The following NCOR1 variants were observed in gnomAD, a reference collection of about 807,000 sequenced individuals.
NCOR1 encodes the protein nuclear receptor corepressor 1.
In NCOR1, 63 loss-of-function variants were observed where a neutral mutation model predicts 288.1. The ratio of observed to expected loss-of-function variants is 0.22; its 90% CI spans 0.18 to 0.27. NCOR1 has a LOEUF of 0.27. Ranked by LOEUF, NCOR1 falls within the 10% of genes least tolerant of loss-of-function variation. The pLI is 1.00. For missense variants in NCOR1, 2,397 were observed against 3,019.2 expected, an observed-to-expected ratio of 0.79 and a Z score of 4.83; for synonymous variants, 1,007 against 1,065.9, an observed-to-expected ratio of 0.94 and a Z score of 1.08.
At chr17:16,211,202 C>G (rs148991154) in intron 1 of NCOR1, among the ~76,000 whole-genome samples, 1 of 152,218 alleles carries the variant, frequency 6.6e-6, no homozygotes, top group East Asian at 1.9e-4. Context: ...GAAAGTAAAA[C>G]AAGACTAGAT....
In NCOR1 at chr17:16,098,443, A is replaced by C. The variant is rs150168981; in HGVS notation, c.2744T>G (p.Leu915Arg). 2,037 of 1,613,978 alleles carry C rather than the reference A, an allele frequency of 1.3e-3. 4 individuals carry two copies. The highest frequency in any genetic ancestry group is 1.4e-3 in the Non-Finnish European group (1,679 of 1,179,836). ...PSLLNPTGSI[L>R]VSSPLKPNPL... ...ATTTGGTTTTAACGGAGATGAGACG[A>C]GTATAGATCCAGTGGGGTTTAACAG... The change falls in exon 21 of 46, where the codon CTC becomes CGC. Residue 915 changes from leucine (L) to arginine (R), a missense_variant. Coordinates refer to ENST00000268712, the MANE Select transcript of NCOR1 (RefSeq NM_006311.4).
Position 16,031,772 on chromosome 17 carries a change from C to A in NCOR1, c.*524G>T. The A allele has an allele frequency of 4.3e-6, 1 of 230,508 alleles. No homozygotes were observed. Among genetic ancestry groups the A allele is most frequent in the Non-Finnish European group, 8.6e-6 (1 of 116,400 alleles). The allele number at this position is 230,508 out of a possible 1,614,324, so 14.3% of individuals were successfully genotyped here. A position where few individuals can be genotyped will look rare whatever the true frequency, so the allele number is the denominator to read the frequency against. On this transcript the variant is annotated 3_prime_UTR_variant, in exon 46 of 46. Transcript: ENST00000268712. ...AAGCTGAATTTAGAGGAAACAATATCAGATAAAAGTACAATGCCCGTGACA... is the reference window on the plus strand; with the variant it reads ...AAGCTGAATTTAGAGGAAACAATATAAGATAAAAGTACAATGCCCGTGACA...
intron 26 of NCOR1, among the ~76,000 whole-genome samples, chr17:16,078,947 T>C (rs2062953755): frequency 6.6e-6 from 1 of 152,220 alleles, no homozygotes; most frequent in Non-Finnish European, 1.5e-5. Context: ...AAGGAAGTAG[T>C]ATGTAAACTA....
chr17:16,032,319 T>C lies in NCOR1; in HGVS notation c.7300A>G (p.Thr2434Ala). ...PAPLLSAQYETLSDSDD is the reference protein window; with the variant it reads ...PAPLLSAQYEALSDSDD ...GTTCAGTCATCACTATCCGACAGGGTCTCGTACTGTGCTGAGAGCAGTGGG... is the reference window on the plus strand; with the variant it reads ...GTTCAGTCATCACTATCCGACAGGGCCTCGTACTGTGCTGAGAGCAGTGGG... The change falls in exon 46 of 46, where the codon ACC (threonine) becomes GCC (alanine). Residue 2434 changes from threonine to alanine, a missense_variant. Coordinates refer to ENST00000268712, the MANE Select transcript of NCOR1 (RefSeq NM_006311.4). 1 of 1,613,860 alleles carries C rather than the reference T, an allele frequency of 6.2e-7. No individual in the cohort carries two copies. The highest frequency in any genetic ancestry group is 8.5e-7 in the Non-Finnish European group (1 of 1,179,924).
intron 26 of NCOR1, among the ~76,000 whole-genome samples, chr17:16,077,547 GA>G (rs1175438209): frequency 3.3e-5 from 1 of 30,252 alleles, no homozygotes; most frequent in Non-Finnish European, 7.1e-5. Flanking sequence ...GAGGGGAGGA[GA>G]GGATAGGGGA....
chr17:16,129,101 A>C (rs556563169), intron 14 of NCOR1, among the ~76,000 whole-genome samples: 8 of 152,332 alleles, frequency 5.3e-5, no homozygotes, highest in African/African-American at 1.9e-4. Flanking sequence ...ATGCATGTCA[A>C]TGGCTTTTCT....
chr17:16,152,236 T>G (rs2078983837), intron 7 of NCOR1, among the ~76,000 whole-genome samples: 2 of 152,212 alleles, frequency 1.3e-5, no homozygotes, highest in Non-Finnish European at 2.9e-5. Flanking sequence ...ACATGTGCTG[T>G]GTTGGTTTGC....
chr17:16,197,184 G>A (rs1034819597), intron 1 of NCOR1, among the ~76,000 whole-genome samples: 11 of 152,074 alleles, frequency 7.2e-5, no homozygotes, highest in African/African-American at 2.7e-4. Flanking sequence ...AGCCACGCAT[G>A]GTGGCGCGTG....
chr17:16,160,674 C>A lies in NCOR1; in HGVS notation c.619-1801G>T, dbSNP rs922792348. Among the ~76,000 whole-genome samples, 11 of 152,144 alleles carry A rather than the reference C, an allele frequency of 7.2e-5. No homozygotes were observed. The East Asian group carries it at 2.1e-3, about 29-fold the overall frequency. ...CGGTGTAGTGGCGCAAGCCTGTAACCCCAGCTACTCAGGAGGCCGAGGCAG... is the reference window on the plus strand; with the variant it reads ...CGGTGTAGTGGCGCAAGCCTGTAACACCAGCTACTCAGGAGGCCGAGGCAG... On this transcript the variant is annotated intron_variant, in intron 5 of 45. Coordinates refer to ENST00000268712, the MANE Select transcript of NCOR1 (RefSeq NM_006311.4).
intron 6 of NCOR1, among the ~76,000 whole-genome samples, chr17:16,153,679 T>G (rs1293836662): frequency 6.6e-6 from 1 of 152,074 alleles, no homozygotes; most frequent in Non-Finnish European, 1.5e-5. Context: ...GCCTGAATAA[T>G]AGGTAAGTTT....
chr17:16,098,542 A>G, intron 20 of NCOR1, 46 bp from the exon 21 acceptor site: 12 of 1,533,302 alleles, frequency 7.8e-6, no homozygotes, highest in Non-Finnish European at 1.1e-5. Context: ...CATTTTTAAG[A>G]CTCAAACATA....
At chr17:16,038,415 T>C (rs2056863826) in intron 44 of NCOR1, among the ~76,000 whole-genome samples, 1 of 147,640 alleles carries the variant, frequency 6.8e-6, no homozygotes, top group African/African-American at 2.5e-5. Flanking sequence ...ACTGTTTCTT[T>C]TTCTTCCCTT....
intron 25 of NCOR1, 93 bp downstream of exon 25, chr17:16,080,315 A>T (rs1043212392): frequency 6.2e-5 from 68 of 1,091,998 alleles, no homozygotes; most frequent in Non-Finnish European, 7.9e-5. Context: ...GACTATAGTT[A>T]AAAAAGCCCA....
intron 21 of NCOR1, among the ~76,000 whole-genome samples, chr17:16,095,130 T>TC (rs980509105): frequency 4.2e-5 from 6 of 141,218 alleles, no homozygotes; most frequent in South Asian, 2.3e-4. Context: ...CAGCGCCTCT[T>TC]CCCGGCCGCC....
chr17:16,165,111 C>T lies in NCOR1; in HGVS notation c.486G>A (p.Gly162=), dbSNP rs1454305755. The change falls in exon 5 of 46, where the codon GGG becomes GGA. Residue 162 remains glycine, a synonymous_variant. Transcript: ENST00000268712. ...CATTTTGATCATCTCCACATGGTTG[C>T]CCCGAAATTGGAGAGGATGGAGCTT... ...KHEAPSSPIS[G]QPCGDDQNAS... 1 of 1,609,432 alleles carries T rather than the reference C, an allele frequency of 6.2e-7. No homozygotes were observed. Among genetic ancestry groups the T allele is most frequent in the Non-Finnish European group, 8.5e-7 (1 of 1,178,952 alleles).
chr17:16,046,893 G>A, intron 42 of NCOR1, 58 bp downstream of exon 42: 1 of 1,586,960 alleles, frequency 6.3e-7, no homozygotes, highest in Non-Finnish European at 8.6e-7. Flanking sequence ...AGGCAACACT[G>A]GAGATATCAT....
chr17:16,150,603 T>C (rs1166624517), intron 8 of NCOR1, among the ~76,000 whole-genome samples: 2 of 151,266 alleles, frequency 1.3e-5, no homozygotes, highest in African/African-American at 2.4e-5. Context: ...GAGCACTAAA[T>C]AGGCAATGTA....
intron 22 of NCOR1, chr17:16,087,048 A>G (rs1414607524): frequency 2.8e-5 from 19 of 686,472 alleles, no homozygotes; most frequent in Non-Finnish European, 3.8e-5. Flanking sequence ...GCAGAGAAAC[A>G]AAGTCATTCT....
At chr17:16,039,773 A>G in intron 43 of NCOR1, 119 bp from the exon 44 acceptor site, 1 of 833,614 alleles carries the variant, frequency 1.2e-6, no homozygotes, top group Non-Finnish European at 1.9e-6. Context: ...CTAGAACAAT[A>G]CCAGGACCCA....
Sources: allele counts gnomAD v4.1 joint callset (sites outside exome capture counted in the v4.1 genomes callset), GRCh38; gene constraint gnomAD v4.1.1; transcripts MANE v1.5; gene names NCBI Gene and HGNC (gene_info 2026-07-23, HGNC 2026-07-21).